The following AMOTL1 variants were observed in gnomAD, a reference collection of about 807,000 sequenced individuals.
AMOTL1 encodes the protein angiomotin like 1.
In AMOTL1, 45 loss-of-function variants were observed where a neutral mutation model predicts 102.9. That is an observed-to-expected ratio of 0.44 (90% CI 0.34 to 0.56). The LOEUF is 0.56. Ranked by LOEUF, AMOTL1 falls within the 20% of genes least tolerant of loss-of-function variation. AMOTL1 has a pLI of 0.01. For synonymous variants in AMOTL1, 481 were observed against 484.7 expected, an observed-to-expected ratio of 0.99 and a Z score of 0.10; for missense variants, 1,114 against 1,225.6, an observed-to-expected ratio of 0.91 and a Z score of 1.36.
intron 1 of AMOTL1, among the ~76,000 whole-genome samples, chr11:94,713,012 A>T (rs1950042572): frequency 6.6e-6 from 1 of 151,798 alleles, no homozygotes; most frequent in African/African-American, 2.4e-5. Flanking sequence ...TGTATATAAT[A>T]TGTCAAGTTT....
intron 3 of AMOTL1, among the ~76,000 whole-genome samples, chr11:94,811,697 G>GCAA (rs1013736643): frequency 4.0e-5 from 6 of 151,892 alleles, no homozygotes; most frequent in African/African-American, 7.3e-5. Context: ...AAACAAACAA[G>GCAA]CAACAACAAC....
At chr11:94,820,209 A>C (rs2135624897) in intron 3 of AMOTL1, 1 of 152,162 alleles carries the variant, frequency 6.6e-6, no homozygotes, top group South Asian at 2.1e-4. Context: ...TATATACAAA[A>C]TGAATCCCAA....
At chr11:94,777,563 T>G (rs1046441532) in intron 1 of AMOTL1, among the ~76,000 whole-genome samples, 1 of 152,196 alleles carries the variant, frequency 6.6e-6, no homozygotes, top group Non-Finnish European at 1.5e-5. Flanking sequence ...TTAATGACAT[T>G]TATTAAGTGA....
At chr11:94,758,152 G>GT (rs1950749327) in intron 3 of AMOTL1, among the ~76,000 whole-genome samples, 1 of 152,168 alleles carries the variant, frequency 6.6e-6, no homozygotes, top group Non-Finnish European at 1.5e-5. Flanking sequence ...TAATTTCAGG[G>GT]TTTTTTGAGG....
intron 1 of AMOTL1, among the ~76,000 whole-genome samples, chr11:94,794,270 C>G (rs1186418189): frequency 2.0e-5 from 3 of 152,208 alleles, no homozygotes; most frequent in African/African-American, 7.2e-5. Flanking sequence ...GGGAAAACAG[C>G]CTGGGCCCGT....
intron 1 of AMOTL1, among the ~76,000 whole-genome samples, chr11:94,720,866 G>C (rs1165330459): frequency 6.6e-6 from 1 of 152,090 alleles, no homozygotes; most frequent in African/African-American, 2.4e-5. Flanking sequence ...AGGAGGGTGT[G>C]CGTAAGTTAG....
intron 3 of AMOTL1, among the ~76,000 whole-genome samples, chr11:94,749,489 G>A (rs1283356551): frequency 6.6e-6 from 1 of 152,150 alleles, no homozygotes; most frequent in African/African-American, 2.4e-5. Context: ...ATAATGCATT[G>A]TCATCTCTCT....
intron 1 of AMOTL1, among the ~76,000 whole-genome samples, chr11:94,784,162 AT>A (rs1440653352): frequency 6.6e-6 from 1 of 151,408 alleles, no homozygotes; most frequent in East Asian, 1.9e-4. Context: ...AGCTGCTTGT[AT>A]TACTGGGACT....
chr11:94,843,892 G>A (rs557955727), intron 6 of AMOTL1, among the ~76,000 whole-genome samples: 10 of 152,150 alleles, frequency 6.6e-5, no homozygotes, highest in African/African-American at 1.4e-4. Context: ...GCCTCTTCAC[G>A]CGGAGGTTCA....
chr11:94,869,009 T>G (rs1189296838), intron 11 of AMOTL1, among the ~76,000 whole-genome samples, 189 bp from the exon 12 acceptor site: 2 of 151,910 alleles, frequency 1.3e-5, no homozygotes, highest in African/African-American at 4.8e-5. Context: ...GGACTAGGTC[T>G]TCCATTTTTT....
chr11:94,735,768 G>A (rs1483723448), intron 2 of AMOTL1, among the ~76,000 whole-genome samples: 2 of 152,166 alleles, frequency 1.3e-5, no homozygotes, highest in Non-Finnish European at 2.9e-5. Context: ...ATGGAGATTA[G>A]GAGAGGACAG....
intron 1 of AMOTL1, among the ~76,000 whole-genome samples, chr11:94,727,612 GA>G (rs2135454001): frequency 6.6e-6 from 1 of 152,260 alleles, no homozygotes; most frequent in East Asian, 1.9e-4. Flanking sequence ...TTTGCAAGAG[GA>G]AATTAAGCCC....
chr11:94,749,108 T>C (rs553737332), intron 3 of AMOTL1, among the ~76,000 whole-genome samples: 91 of 152,338 alleles, frequency 6.0e-4, no homozygotes, highest in African/African-American at 2.1e-3. Context: ...CGTGACAGGC[T>C]GTCTGCAAGC....
chr11:94,829,265 C>CT (rs1952027720), intron 4 of AMOTL1, among the ~76,000 whole-genome samples: 1 of 150,632 alleles, frequency 6.6e-6, no homozygotes, highest in South Asian at 2.1e-4. Context: ...CTCTGTTGCC[C>CT]TAGGCTGGAG....
chr11:94,833,557 A>C (rs1357408427), intron 6 of AMOTL1, among the ~76,000 whole-genome samples: 1 of 152,206 alleles, frequency 6.6e-6, no homozygotes, highest in Admixed American at 6.5e-5. Context: ...CTGCTTAGAA[A>C]TACCTTTTAC....
chr11:94,790,701 G>A (rs1423276589), intron 1 of AMOTL1, among the ~76,000 whole-genome samples: 2 of 152,198 alleles, frequency 1.3e-5, no homozygotes, highest in Admixed American at 6.5e-5. Flanking sequence ...GGAGTGGCAT[G>A]CCGGCAGTGG....
rs746812409 is a variant in AMOTL1 at position 94,831,478 on chromosome 11, C to T, written c.1585C>T (p.Leu529=). The change falls in exon 6 of 13, where the codon CTA becomes TTA. Residue 529 remains leucine (L), a synonymous_variant. Coordinates refer to ENST00000433060, the MANE Select transcript of AMOTL1 (RefSeq NM_130847.3). ...TCGACTAGAGACTGCTAACAGGCAA[C>T]TATCCAGCAGGGAATACGAAGGGCA... ...RDRLETANRQ[L]SSREYEGHED... is the part of the protein sequence containing the mutation. The T allele has an allele frequency of 6.8e-6, 11 of 1,613,800 alleles. No individual in the cohort carries two copies. The highest frequency in any genetic ancestry group is 9.3e-6 in the Non-Finnish European group (11 of 1,179,746).
chr11:94,792,607 C>G (rs1372957007), intron 1 of AMOTL1, among the ~76,000 whole-genome samples: 2 of 152,214 alleles, frequency 1.3e-5, no homozygotes, highest in Non-Finnish European at 2.9e-5. Context: ...GCTCTGCTCT[C>G]CAGCCTTTCT....
intron 3 of AMOTL1, among the ~76,000 whole-genome samples, chr11:94,801,949 G>T (rs1051371041): frequency 6.6e-6 from 1 of 152,132 alleles, no homozygotes; most frequent in Non-Finnish European, 1.5e-5. Flanking sequence ...TTTCCCAAGC[G>T]ACCTCAGTGG....
Sources: allele counts gnomAD v4.1 joint callset (sites outside exome capture counted in the v4.1 genomes callset), GRCh38; gene constraint gnomAD v4.1.1; transcripts MANE v1.5; gene names NCBI Gene and HGNC (gene_info 2026-07-23, HGNC 2026-07-21).